The following AMPH variants were observed in gnomAD, a reference collection of about 807,000 sequenced individuals.
AMPH encodes amphiphysin.
AMPH carries 49 observed loss-of-function variants against 99.1 expected under a neutral mutation model. The ratio of observed to expected loss-of-function variants is 0.49; its 90% CI spans 0.39 to 0.63. The LOEUF is 0.63. Among genes scored for constraint, AMPH ranks in the 20% least tolerant of loss-of-function variants. The probability of loss-of-function intolerance (pLI) is 0.00; values close to 1 mark genes in which losing one functional copy is unlikely to be tolerated. For synonymous variants in AMPH, 314 were observed against 317.3 expected (o/e 0.99, Z 0.11); for missense variants, 759 against 863.4 (o/e 0.88, Z 1.52).
intron 1 of AMPH, among the ~76,000 whole-genome samples, chr7:38,575,326 T>C (rs1792198059): frequency 6.6e-6 from 1 of 151,992 alleles, no homozygotes. Context: ...TGTTTATGAA[T>C]GTAGAAAATG....
intron 17 of AMPH, among the ~76,000 whole-genome samples, chr7:38,399,295 C>T (rs1282596413): frequency 1.3e-5 from 2 of 152,210 alleles, no homozygotes; most frequent in African/African-American, 4.8e-5. Flanking sequence ...CCACTATCTG[C>T]GTATCCTCAT....
chr7:38,615,769 T>C (rs1793851899), intron 1 of AMPH, among the ~76,000 whole-genome samples: 1 of 152,096 alleles, frequency 6.6e-6, no homozygotes, highest in African/African-American at 2.4e-5. Context: ...AAGTTGAGAT[T>C]ACCCCAGCTG....
chr7:38,547,082 T>C (rs1013588169), intron 1 of AMPH, among the ~76,000 whole-genome samples: 1 of 152,054 alleles, frequency 6.6e-6, no homozygotes, highest in Non-Finnish European at 1.5e-5. Flanking sequence ...CCAGCAGCCA[T>C]CTCATCCCCT....
chr7:38,487,568 C>T (rs1379797798), intron 5 of AMPH, among the ~76,000 whole-genome samples: 1 of 152,068 alleles, frequency 6.6e-6, no homozygotes, highest in Non-Finnish European at 1.5e-5. Flanking sequence ...ACTATAAAAA[C>T]CCTAGAAGAA....
At chr7:38,610,638 T>C (rs1402239182) in intron 1 of AMPH, among the ~76,000 whole-genome samples, 1 of 152,072 alleles carries the variant, frequency 6.6e-6, no homozygotes, top group Non-Finnish European at 1.5e-5. Flanking sequence ...AAGTTAAGTG[T>C]TTTACAAATG....
At chr7:38,499,754 C>A (rs1288431395) in intron 3 of AMPH, among the ~76,000 whole-genome samples, 1 of 152,184 alleles carries the variant, frequency 6.6e-6, no homozygotes, top group Admixed American at 6.5e-5. Flanking sequence ...CAAATCCCAT[C>A]TTGAACTGTA....
intron 11 of AMPH, among the ~76,000 whole-genome samples, chr7:38,441,055 T>A (rs1187282917): frequency 6.6e-6 from 1 of 151,274 alleles, no homozygotes; most frequent in Non-Finnish European, 1.5e-5. Context: ...CACAAATAGG[T>A]TCAAAGTAAA....
chr7:38,499,502 G>T, intron 3 of AMPH, among the ~76,000 whole-genome samples: 1 of 152,116 alleles, frequency 6.6e-6, no homozygotes, highest in South Asian at 2.1e-4. Flanking sequence ...ACATTTAATA[G>T]ATGAGGAACC....
chr7:38,571,345 A>ATATATATTTATATATAGAC (rs1361037803), intron 1 of AMPH, among the ~76,000 whole-genome samples: 1 of 4,314 alleles, frequency 2.3e-4, no homozygotes, highest in African/African-American at 2.8e-3. Flanking sequence ...TATATAGAAT[A>ATATATATTTATATATAGAC]TATATATTTA....
chr7:38,602,888 C>T (rs1413639538), intron 1 of AMPH, among the ~76,000 whole-genome samples: 2 of 152,120 alleles, frequency 1.3e-5, no homozygotes, highest in Non-Finnish European at 2.9e-5. Context: ...AATTAAGACA[C>T]ATTCTCCAAA....
At chr7:38,599,399 G>A (rs961489912) in intron 1 of AMPH, among the ~76,000 whole-genome samples, 5 of 152,124 alleles carry the variant, frequency 3.3e-5, no homozygotes, top group African/African-American at 1.2e-4. Context: ...TCCACTTAAT[G>A]AATAGTAAAT....
At chr7:38,622,146 A>C (rs1201305980) in intron 1 of AMPH, among the ~76,000 whole-genome samples, 1 of 152,222 alleles carries the variant, frequency 6.6e-6, no homozygotes, top group Non-Finnish European at 1.5e-5. Context: ...TTATATCTGC[A>C]ACACAAGGAA....
intron 16 of AMPH, among the ~76,000 whole-genome samples, chr7:38,419,052 G>T (rs1174805502): frequency 1.3e-5 from 2 of 151,756 alleles, no homozygotes; most frequent in Non-Finnish European, 2.9e-5. Flanking sequence ...GGGCTCATAA[G>T]ATCCTTTTCT....
intron 11 of AMPH, among the ~76,000 whole-genome samples, chr7:38,458,368 A>G (rs532848985): frequency 6.6e-6 from 1 of 152,294 alleles, no homozygotes; most frequent in East Asian, 1.9e-4. Flanking sequence ...CAAGGCCAGC[A>G]CTATCTTAAT....
At chr7:38,591,121 G>A (rs1428676922) in intron 1 of AMPH, among the ~76,000 whole-genome samples, 1 of 152,010 alleles carries the variant, frequency 6.6e-6, no homozygotes, top group Non-Finnish European at 1.5e-5. Context: ...CATAGGGCTA[G>A]GTTACCAGGT....
intron 13 of AMPH, among the ~76,000 whole-genome samples, chr7:38,431,604 C>T (rs554882398): frequency 4.6e-5 from 7 of 150,546 alleles, no homozygotes; most frequent in Admixed American, 4.0e-4. Context: ...TGCAGTGAGC[C>T]GAGACAGTGC....
intron 17 of AMPH, among the ~76,000 whole-genome samples, chr7:38,397,736 A>G (rs368766092): frequency 5.3e-5 from 8 of 152,224 alleles, no homozygotes; most frequent in African/African-American, 1.9e-4. Flanking sequence ...GAATGGGAGA[A>G]AATATTTGTG....
chr7:38,465,419 A>G (rs907616870), intron 9 of AMPH, 48 bp downstream of exon 9: 4 of 1,513,522 alleles, frequency 2.6e-6, no homozygotes, highest in Non-Finnish European at 3.6e-6. Context: ...GATTGAAGAA[A>G]TTTTAGCAAG....
chr7:38,410,822 C>T (rs189705793), intron 17 of AMPH, among the ~76,000 whole-genome samples: 2 of 152,314 alleles, frequency 1.3e-5, no homozygotes, highest in East Asian at 3.9e-4. Context: ...GATTAGGACA[C>T]ACATTATCTC....
Sources: gnomAD v4.1 joint callset for allele counts (sites outside exome capture counted in the v4.1 genomes callset) on GRCh38, gnomAD v4.1.1 for gene constraint, MANE v1.5 for transcripts, NCBI Gene and HGNC (gene_info 2026-07-23, HGNC 2026-07-21) for gene names.